Variants in RUBCN observed in about 807,000 individuals in gnomAD.
The protein encoded by RUBCN is rubicon autophagy regulator.
In RUBCN, 74 loss-of-function variants were observed where a neutral mutation model predicts 113.2. The observed-to-expected ratio is 0.65, with a 90% CI of 0.54 to 0.79. RUBCN has a LOEUF of 0.79. Ranked by LOEUF, RUBCN falls within the 30% of genes least tolerant of loss-of-function variation. RUBCN has a pLI of 0.00. For missense variants in RUBCN, 1,109 were observed against 1,251.7 expected (o/e 0.89, Z 1.72); for synonymous variants, 480 against 490.0 (o/e 0.98, Z 0.27).
intron 7 of RUBCN, 145 bp from the exon 8 acceptor site, chr3:197,697,194 C>G: frequency 1.5e-6 from 1 of 670,010 alleles, no homozygotes; most frequent in Non-Finnish European, 2.8e-6. Flanking sequence ...CGGAACAGCC[C>G]AAGGGTACAG....
intron 1 of RUBCN, among the ~76,000 whole-genome samples, chr3:197,718,452 A>C (rs541010882): frequency 4.1e-4 from 62 of 152,192 alleles, no homozygotes; most frequent in African/African-American, 1.4e-3. Context: ...TAACCCATTC[A>C]GATCCATTTT....
At chr3:197,702,452 CAGG>C (rs1311328636) in intron 5 of RUBCN, among the ~76,000 whole-genome samples, 1 of 152,162 alleles carries the variant, frequency 6.6e-6, no homozygotes, top group Admixed American at 6.5e-5. Flanking sequence ...CACTTGAGGT[CAGG>C]AGATCGAGAC....
Position 197,717,294 on chromosome 3 carries a change from A to G in RUBCN, c.219+683T>C, listed in dbSNP as rs186196222. On this transcript the variant is annotated intron_variant, in intron 2 of 19. Transcript: ENST00000296343. The stretch of plus-strand genomic sequence containing the variant: ...CCGTCTCTACTAAAAAATAGAAAAA[A>G]TTAGCCGGGCCTGGTGGCGGGCGCC... Among the ~76,000 whole-genome samples the G allele has an allele frequency of 5.5e-3, 841 of 151,872 alleles. 5 individuals are homozygous for G. The highest frequency in any genetic ancestry group is 7.5e-3 in the Non-Finnish European group (507 of 67,938).
chr3:197,717,637 C>T (rs757979542), intron 2 of RUBCN, among the ~76,000 whole-genome samples: 2 of 152,150 alleles, frequency 1.3e-5, no homozygotes, highest in South Asian at 2.1e-4. Context: ...CCGTGAAACT[C>T]ATTTTGGACT....
Position 197,675,378 on chromosome 3 carries a change from C to T in RUBCN, c.2740+44G>A, listed in dbSNP as rs1187424457. 1.3e-6 allele frequency: 2 copies of T among 1,567,624 alleles called. No individual in the cohort carries two copies. The highest frequency in any genetic ancestry group is 1.7e-5 in the Admixed American group (1 of 59,938). ...GGGTGGCTCTGGGGAATCAAGGAGC[C>T]CTGTGTTCAGGCTCACTTGCCCGAT... On this transcript the variant is annotated intron_variant, in intron 19 of 19. Coordinates refer to ENST00000296343, the MANE Select transcript of RUBCN (RefSeq NM_014687.4). The surrounding 1 kb of genome is among the most constrained non-coding windows in gnomAD (Gnocchi z 4.4).
intron 1 of RUBCN, among the ~76,000 whole-genome samples, chr3:197,718,544 G>A (rs1725797209): frequency 6.6e-6 from 1 of 152,082 alleles, no homozygotes; most frequent in East Asian, 1.9e-4. Context: ...CAACCTCCCA[G>A]GTAGAGGTGA....
At chr3:197,680,827 T>C (rs1029484347) in intron 16 of RUBCN, among the ~76,000 whole-genome samples, 1 of 151,978 alleles carries the variant, frequency 6.6e-6, no homozygotes, top group South Asian at 2.1e-4. Flanking sequence ...CTAGCTGCCA[T>C]TGCCACGTTT....
At chr3:197,700,218 A>G (rs1232182850) in intron 7 of RUBCN, among the ~76,000 whole-genome samples, 1 of 152,156 alleles carries the variant, frequency 6.6e-6, no homozygotes, top group African/African-American at 2.4e-5. Flanking sequence ...CCTCTCTCAC[A>G]TTGGTATTAT....
intron 18 of RUBCN, chr3:197,676,092 T>A (rs1720374802): frequency 1.7e-5 from 11 of 632,300 alleles, no homozygotes; most frequent in Non-Finnish European, 2.2e-5. Context: ...AATAACGACG[T>A]GCGTTTGAGG....
At chr3:197,740,507 T>C (rs1217185963), upstream of RUBCN, among the ~76,000 whole-genome samples, 1 of 152,174 alleles carries the variant, frequency 6.6e-6, no homozygotes, top group East Asian at 1.9e-4. Flanking sequence ...TGTAGTATAA[T>C]TGGCAAAATT....
At position 197,705,160 on chromosome 3, in the gene RUBCN, T is replaced by C. The variant is rs1438611521; in HGVS notation, c.235A>G (p.Thr79Ala). 2 of 1,614,084 alleles carry C rather than the reference T, an allele frequency of 1.2e-6. No homozygotes were observed. The highest frequency in any genetic ancestry group is 1.3e-5 in the African/African-American group (1 of 75,044). Residue 79 changes from threonine to alanine, a missense_variant, in exon 3 of 20, where the codon ACG (threonine) becomes GCG (alanine). Thr to Ala is a moderately conservative substitution (Grantham distance 58). Coordinates refer to ENST00000296343, the MANE Select transcript of RUBCN (RefSeq NM_014687.4). ...TCTTTCACGAACTGCCAGTAATCCG[T>C]CTGGCGGCGGCACGCCTGCAAAGGG... is the stretch of plus-strand genomic sequence containing the variant. ...LIRDQACRRQTDYWQFVKDIR... is the reference protein window; with the variant it reads ...LIRDQACRRQADYWQFVKDIR...
intron 1 of RUBCN, among the ~76,000 whole-genome samples, chr3:197,720,340 A>G (rs1369320520): frequency 6.6e-6 from 1 of 152,168 alleles, no homozygotes; most frequent in East Asian, 1.9e-4. Context: ...CAAAACTGAA[A>G]GAATTAAGGT....
At chr3:197,732,033 G>C (rs1727565563) in intron 1 of RUBCN, among the ~76,000 whole-genome samples, 1 of 152,252 alleles carries the variant, frequency 6.6e-6, no homozygotes, top group Non-Finnish European at 1.5e-5. Context: ...GGCATGTTGA[G>C]TGAGTGGAAA....
At chr3:197,710,719 A>G (rs1724868784) in intron 2 of RUBCN, among the ~76,000 whole-genome samples, 1 of 152,246 alleles carries the variant, frequency 6.6e-6, no homozygotes, top group South Asian at 2.1e-4. Context: ...GTAGGAAAAG[A>G]CTAAATCTAC....
At chr3:197,697,823 G>A (rs948099634) in intron 7 of RUBCN, among the ~76,000 whole-genome samples, 4 of 152,250 alleles carry the variant, frequency 2.6e-5, no homozygotes, top group Admixed American at 6.5e-5. Flanking sequence ...TGCTGTGGGA[G>A]AGTGAATGAC....
intron 8 of RUBCN, 58 bp downstream of exon 8, chr3:197,696,896 G>T: frequency 1.1e-6 from 1 of 921,988 alleles, no homozygotes; most frequent in Non-Finnish European, 1.8e-6. Context: ...AACTTAGCAG[G>T]CACAAGGGGT....
At position 197,672,083 on chromosome 3, in the gene RUBCN, C is replaced by A. The variant is rs1229204732; in HGVS notation, c.*2935G>T. On this transcript the variant is annotated 3_prime_UTR_variant, in exon 20 of 20. Coordinates refer to ENST00000296343, the MANE Select transcript of RUBCN (RefSeq NM_014687.4). ...GCAGGTGGAAACGCAGTTCAGAGCA[C>A]GGGCGGCACACACGGAACATCTCTA... The A allele has an allele frequency of 6.6e-6, 1 of 152,218 alleles. No individual in the cohort carries two copies. The highest frequency in any genetic ancestry group is 2.4e-5 in the African/African-American group (1 of 41,452). 9.4% of individuals were successfully genotyped at this position (152,218 alleles called of 1,614,324 possible).
chr3:197,749,669 C>A (rs1234226140), exon 1 of RUBCN: 2 of 745,288 alleles, frequency 2.7e-6, no homozygotes, highest in South Asian at 2.9e-5. Flanking sequence ...GGTCTAGCAT[C>A]CCCCAGTTTG....
rs994013086 is a variant in RUBCN at position 197,683,475 on chromosome 3, G to C, written c.1848-36C>G. 1 of 1,612,300 alleles carries C rather than the reference G, an allele frequency of 6.2e-7. No homozygotes were observed. The highest frequency in any genetic ancestry group is 1.7e-5 in the Admixed American group (1 of 59,992). On this transcript the variant is annotated intron_variant, in intron 12 of 19. Coordinates refer to ENST00000296343, the MANE Select transcript of RUBCN (RefSeq NM_014687.4). The surrounding 1 kb of genome is among the most constrained non-coding windows in gnomAD (Gnocchi z 4.6). ...GAGAATCAAGGACGGCTGAACACAG[G>C]GAAAGGATGGGCGATGCGAGGCTTC...
Sources: gnomAD v4.1 joint callset for allele counts (sites outside exome capture counted in the v4.1 genomes callset) on GRCh38, gnomAD v4.1.1 for gene constraint, Gnocchi (gnomAD v3.1) non-coding constraint, MANE v1.5 for transcripts, NCBI Gene and HGNC (gene_info 2026-07-23, HGNC 2026-07-21) for gene names.